The following TDRD5 variants were observed in gnomAD, a reference collection of about 807,000 sequenced individuals.
TDRD5 encodes the protein tudor domain-containing protein 5.
In TDRD5, 41 loss-of-function variants were observed where a neutral mutation model predicts 120.6. The observed-to-expected ratio is 0.34, with a 90% CI of 0.26 to 0.44. The LOEUF is 0.44. Ranked by LOEUF, TDRD5 falls within the 20% of genes least tolerant of loss-of-function variation. TDRD5 has a pLI of 1.00. For missense variants in TDRD5, 1,006 were observed against 1,221.2 expected (o/e 0.82, Z 2.63); for synonymous variants, 430 against 433.7 (o/e 0.99, Z 0.11).
chr1:179,670,419 C>T (rs1425487703), intron 17 of TDRD5, among the ~76,000 whole-genome samples: 4 of 151,758 alleles, frequency 2.6e-5, no homozygotes, highest in African/African-American at 9.7e-5. Context: ...TATATATGTA[C>T]ACACACATAG....
At position 179,593,497 on chromosome 1, in the gene TDRD5, A is replaced by G. The variant is rs765039207; in HGVS notation, c.270A>G (p.Leu90=). 5.0e-6 allele frequency: 8 copies of G among 1,613,802 alleles called. No individual in the cohort carries two copies. In the African/African-American group the frequency reaches 1.1e-4, roughly 22 times the overall value. The change falls in exon 3 of 18, where the codon TTA becomes TTG. Residue 90 remains leucine, a synonymous_variant. Coordinates refer to ENST00000444136, the MANE Select transcript of TDRD5 (RefSeq NM_001199085.3). ...AATCTACCAAAGGAATAGCAAGCTT[A>G]GTTGCAAAACAGAGGAGCAGCCATA... The part of the protein sequence containing the change: ...PDESTKGIAS[L]VAKQRSSHKL...
chr1:179,660,165 C>G (rs945119290), intron 14 of TDRD5, among the ~76,000 whole-genome samples: 3 of 142,772 alleles, frequency 2.1e-5, no homozygotes, highest in African/African-American at 5.2e-5. Context: ...CTTGCCTTCT[C>G]TTAGGTTATT....
chr1:179,615,108 T>C (rs924929900), intron 4 of TDRD5, among the ~76,000 whole-genome samples: 1 of 152,096 alleles, frequency 6.6e-6, no homozygotes, highest in African/African-American at 2.4e-5. Context: ...CCCATATAAG[T>C]AAGATCATGT....
Position 179,655,134 on chromosome 1 carries a change from TAAATA to T in TDRD5, c.2322+774_2322+778del, listed in dbSNP as rs141572464. On this transcript the variant is annotated intron_variant, in intron 14 of 17. Transcript: ENST00000444136. ...TGGAATTTACTTCTGTTTCTTTCAT[TAAATA>T]ACATCCTCATGTTGTTATTTGTTAT... Among the ~76,000 whole-genome samples the T allele has an allele frequency of 8.0e-3, 1,224 of 152,326 alleles. 16 individuals carry two copies. Among genetic ancestry groups the T allele is most frequent in the African/African-American group, 0.028 (1,173 of 41,574 alleles).
chr1:179,618,601 G>A lies in TDRD5; in HGVS notation c.834G>A (p.Leu278=), dbSNP rs770339427. 2 of 1,583,492 alleles carry A rather than the reference G, an allele frequency of 1.3e-6. No individual in the cohort carries two copies. The highest frequency in any genetic ancestry group is 2.4e-5 in the South Asian group (2 of 84,600). The part of the protein sequence containing the change: ...RLNHTEKLNQ[L]ENTFKSVIAQ... ...ACTTTTTTTTTCTTTTTTCATAGCT[G>A]GAGAACACATTCAAATCAGTTATTG... The change falls in exon 5 of 18, where the codon CTG becomes CTA. Residue 278 remains leucine, a splice_region_variant and synonymous_variant. Coordinates refer to ENST00000444136, the MANE Select transcript of TDRD5 (RefSeq NM_001199085.3).
At chr1:179,650,120 A>T (rs1399169780) in intron 11 of TDRD5, among the ~76,000 whole-genome samples, 1 of 152,088 alleles carries the variant, frequency 6.6e-6, no homozygotes. Flanking sequence ...TTGTCCTGTT[A>T]GACCATCTGG....
chr1:179,597,332 C>CTTTTTTT (rs945509784), intron 4 of TDRD5, among the ~76,000 whole-genome samples: 39 of 125,556 alleles, frequency 3.1e-4, no homozygotes, highest in Non-Finnish European at 4.1e-4. Context: ...TTCTTTTTTT[C>CTTTTTTT]TTTTTTTTTT....
chr1:179,666,666 T>C (rs1679569186), intron 16 of TDRD5, among the ~76,000 whole-genome samples: 1 of 152,312 alleles, frequency 6.6e-6, no homozygotes, highest in African/African-American at 2.4e-5. Flanking sequence ...TATCTTAGTA[T>C]GTAACTAGAT....
intron 4 of TDRD5, among the ~76,000 whole-genome samples, chr1:179,598,609 C>T (rs1033798636): frequency 1.3e-5 from 2 of 151,528 alleles, no homozygotes; most frequent in African/African-American, 4.8e-5. Flanking sequence ...TTACACCTTT[C>T]ATATTTTTTA....
chr1:179,645,087 T>C (rs1558402226), intron 11 of TDRD5, among the ~76,000 whole-genome samples: 2 of 136,438 alleles, frequency 1.5e-5, no homozygotes, highest in Non-Finnish European at 1.6e-5. Context: ...TTTTTTTTTT[T>C]TTTTTTTTTT....
chr1:179,625,376 G>C (rs1429446277), intron 6 of TDRD5, among the ~76,000 whole-genome samples: 2 of 152,070 alleles, frequency 1.3e-5, no homozygotes, highest in Admixed American at 1.3e-4. Flanking sequence ...AAATTGAATA[G>C]GCAGACCACA....
chr1:179,654,734 C>G (rs1329553375), intron 14 of TDRD5, among the ~76,000 whole-genome samples: 3 of 152,116 alleles, frequency 2.0e-5, no homozygotes, highest in Non-Finnish European at 1.5e-5. Flanking sequence ...TGCCACTGTA[C>G]TCCAGCCTGG....
intron 14 of TDRD5, among the ~76,000 whole-genome samples, chr1:179,654,587 A>G (rs1203671716): frequency 2.0e-5 from 3 of 152,002 alleles, no homozygotes; most frequent in Non-Finnish European, 4.4e-5. Context: ...CAACATGATG[A>G]TACCTTGTCT....
At chr1:179,607,425 A>G (rs1676037055) in intron 4 of TDRD5, among the ~76,000 whole-genome samples, 1 of 151,998 alleles carries the variant, frequency 6.6e-6, no homozygotes. Context: ...CCTTTTCTTG[A>G]CTTACTGCAT....
At chr1:179,654,175 A>C (rs879494794) in intron 13 of TDRD5, 26 bp from the exon 14 acceptor site, 5 of 1,483,350 alleles carry the variant, frequency 3.4e-6, no homozygotes, top group Non-Finnish European at 4.5e-6. Flanking sequence ...ATTTAAAATA[A>C]AGGAATTCTC....
At chr1:179,665,480 C>T (rs1679511636) in intron 16 of TDRD5, among the ~76,000 whole-genome samples, 1 of 152,132 alleles carries the variant, frequency 6.6e-6, no homozygotes, top group Admixed American at 6.6e-5. Flanking sequence ...TGTACCAGCA[C>T]TAGTTGTTGA....
intron 17 of TDRD5, among the ~76,000 whole-genome samples, chr1:179,688,922 GTTT>G (rs1680926164): frequency 6.6e-6 from 1 of 152,156 alleles, no homozygotes; most frequent in Non-Finnish European, 1.5e-5. Flanking sequence ...TCTCTATGAT[GTTT>G]ATTCTAGTTA....
chr1:179,630,288 T>C (rs12048277), intron 6 of TDRD5, among the ~76,000 whole-genome samples: 13,669 of 152,180 alleles, frequency 0.09, 679 homozygotes, highest in Middle Eastern at 0.12. Context: ...TGAGCCACCG[T>C]GCCTGGCCTT....
intron 17 of TDRD5, 83 bp from the exon 18 acceptor site, chr1:179,690,613 T>A: frequency 6.6e-7 from 1 of 1,524,876 alleles, no homozygotes; most frequent in Non-Finnish European, 8.8e-7. Context: ...TAACACATAT[T>A]AGTATAGAAC....
Sources: gnomAD v4.1 joint callset for allele counts (sites outside exome capture counted in the v4.1 genomes callset) on GRCh38, gnomAD v4.1.1 for gene constraint, MANE v1.5 for transcripts, NCBI Gene and HGNC (gene_info 2026-07-23, HGNC 2026-07-21) for gene names.